ZNF25: variants seen among roughly 807,000 people sequenced by gnomAD.
ZNF25 encodes the protein zinc finger protein 25 (KOX 19).
A neutral mutation model predicts 30.9 loss-of-function variants in ZNF25; 21 were observed. That is an observed-to-expected ratio of 0.68 (90% CI 0.48 to 0.98). The LOEUF (loss-of-function observed/expected upper bound fraction) is 0.98. ZNF25 is among the 50% of genes least tolerant of loss of function. The pLI, the probability that ZNF25 is intolerant of heterozygous loss-of-function variation, is 0.00. For missense variants in ZNF25, 501 were observed against 529.9 expected, an observed-to-expected ratio of 0.95 and a Z score of 0.54; for synonymous variants, 169 against 181.3, an observed-to-expected ratio of 0.93 and a Z score of 0.55.
intron 4 of ZNF25, among the ~76,000 whole-genome samples, chr10:37,954,347 A>T (rs2062378793): frequency 6.6e-6 from 1 of 152,160 alleles, no homozygotes; most frequent in African/African-American, 2.4e-5. Flanking sequence ...TCAGAACATC[A>T]GTTTCCTCAT....
rs753389255 is a variant in ZNF25 at position 37,951,327 on chromosome 10, G to T, written c.*800C>A. The T allele has an allele frequency of 2.0e-5, 3 of 152,456 alleles. No homozygotes were observed. Among genetic ancestry groups the T allele is most frequent in the Non-Finnish European group, 4.4e-5 (3 of 68,038 alleles). 9.4% of individuals were successfully genotyped at this position (152,456 alleles called of 1,614,324 possible). The stretch of plus-strand genomic sequence containing the variant: ...CATTATGGATGGATTCCACATGCAC[G>T]CTGAACATCCGCAAGTTACATGTTA... On this transcript the variant is annotated 3_prime_UTR_variant, in exon 6 of 6. Coordinates refer to ENST00000302609, the MANE Select transcript of ZNF25 (RefSeq NM_145011.4).
chr10:37,962,180 G>T (rs139156377), intron 2 of ZNF25, among the ~76,000 whole-genome samples: 6,023 of 151,452 alleles, frequency 0.04, 376 homozygotes, highest in African/African-American at 0.14. Context: ...GGCAGAGGTT[G>T]CAGTGAGCCA....
chr10:37,949,989 C>T lies in ZNF25; in HGVS notation c.*2138G>A, dbSNP rs556940890. ...TCTTTGAAAAAAATACTTCTAAGCTCAGGCTCTTAACATATAAATATAATG... is the reference window on the plus strand; with the variant it reads ...TCTTTGAAAAAAATACTTCTAAGCTTAGGCTCTTAACATATAAATATAATG... On this transcript the variant is annotated 3_prime_UTR_variant, in exon 6 of 6. Coordinates refer to ENST00000302609, the MANE Select transcript of ZNF25 (RefSeq NM_145011.4). The T allele has an allele frequency of 6.6e-6, 1 of 152,638 alleles. No individual in the cohort carries two copies. The highest frequency in any genetic ancestry group is 2.4e-5 in the African/African-American group (1 of 41,456). The allele number at this position is 152,638 out of a possible 1,614,324, so 9.5% of individuals were successfully genotyped here.
At chr10:37,967,238 G>C (rs551803122) in intron 2 of ZNF25, among the ~76,000 whole-genome samples, 28 of 152,258 alleles carry the variant, frequency 1.8e-4, no homozygotes, top group Admixed American at 9.2e-4. Flanking sequence ...GTCCCCAGTA[G>C]CCAAAACAAC....
At chr10:37,960,638 A>AAAAC (rs1554887534) in intron 2 of ZNF25, among the ~76,000 whole-genome samples, 1 of 150,366 alleles carries the variant, frequency 6.7e-6, no homozygotes, top group South Asian at 2.1e-4. Context: ...AAAAAAAAAA[A>AAAAC]AAAAAACAAA....
intron 1 of ZNF25, among the ~76,000 whole-genome samples, chr10:37,975,068 T>C (rs1008217317): frequency 6.6e-6 from 1 of 152,110 alleles, no homozygotes; most frequent in Non-Finnish European, 1.5e-5. Flanking sequence ...GTTGATCTCA[T>C]GAAGATACGA....
At position 37,953,766 on chromosome 10, in the gene ZNF25, G is replaced by T. The variant is rs767008947; in HGVS notation, c.239-8C>A. On this transcript the variant is annotated splice_region_variant and splice_polypyrimidine_tract_variant and intron_variant, in intron 4 of 5. Transcript: ENST00000302609. ...GAATGCTCCATAGGTCTTCTACAAGGGAACCAAAAATGTAATACTTTATAA... is the reference window on the plus strand; with the variant it reads ...GAATGCTCCATAGGTCTTCTACAAGTGAACCAAAAATGTAATACTTTATAA... 1.4e-5 allele frequency: 23 copies of T among 1,611,930 alleles called. No homozygotes were observed. The highest frequency in any genetic ancestry group is 1.9e-5 in the Non-Finnish European group (22 of 1,178,458).
intron 1 of ZNF25, among the ~76,000 whole-genome samples, chr10:37,975,479 CATT>C (rs1259153942): frequency 6.6e-6 from 1 of 151,842 alleles, no homozygotes; most frequent in Non-Finnish European, 1.5e-5. Flanking sequence ...CAATGAGAGG[CATT>C]ATAAGATCAC....
chr10:37,972,715 A>G (rs1356737663), intron 1 of ZNF25, among the ~76,000 whole-genome samples: 2 of 152,222 alleles, frequency 1.3e-5, no homozygotes, highest in South Asian at 4.1e-4. Flanking sequence ...AGCAGCAGAA[A>G]CCATGCAGGG....
At chr10:37,973,373 T>TG (rs1418780841) in intron 1 of ZNF25, among the ~76,000 whole-genome samples, 1 of 151,890 alleles carries the variant, frequency 6.6e-6, no homozygotes, top group East Asian at 1.9e-4. Context: ...CCCAACACTT[T>TG]GGGAGGTGTA....
At chr10:37,953,618 G>T (rs2062321351) in intron 5 of ZNF25, 77 bp downstream of exon 5, 3 of 1,323,992 alleles carry the variant, frequency 2.3e-6, no homozygotes, top group African/African-American at 2.9e-5. Context: ...ATTAACTAGT[G>T]CCCTCCCATT....
intron 1 of ZNF25, among the ~76,000 whole-genome samples, chr10:37,974,214 C>T (rs1024503867): frequency 8.6e-5 from 13 of 152,026 alleles, no homozygotes; most frequent in Non-Finnish European, 1.8e-4. Flanking sequence ...ACATTGTTCT[C>T]GGCAAAAATT....
chr10:37,964,323 A>C (rs568786280), intron 2 of ZNF25, among the ~76,000 whole-genome samples: 1 of 152,300 alleles, frequency 6.6e-6, no homozygotes, highest in South Asian at 2.1e-4. Flanking sequence ...TAACAAGCAG[A>C]GGTTGGAAGA....
At position 37,970,523 on chromosome 10, in the gene ZNF25, T is replaced by C. The variant is rs188625337; in HGVS notation, c.15+1185A>G. 2.8e-4 allele frequency among the ~76,000 whole-genome samples: 42 copies of C among 152,338 alleles called. No individual in the cohort carries two copies. The East Asian group carries it at 7.1e-3, about 26-fold the overall frequency. On this transcript the variant is annotated intron_variant, in intron 2 of 5. Transcript: ENST00000302609. ...AAATCCATAGTTTATACCATCCTTA[T>C]TATTGAATGGCTAAATTCTTTCCCC...
chr10:37,960,618 C>G (rs1169929191), intron 2 of ZNF25, among the ~76,000 whole-genome samples: 1 of 43,362 alleles, frequency 2.3e-5, no homozygotes, highest in East Asian at 8.2e-4. Flanking sequence ...AGCAAGACTC[C>G]ATCTCAAAAA....
At chr10:37,970,468 T>G (rs994084042) in intron 2 of ZNF25, among the ~76,000 whole-genome samples, 2 of 152,216 alleles carry the variant, frequency 1.3e-5, no homozygotes, top group African/African-American at 4.8e-5. Context: ...AGAAGGGAAC[T>G]TCCTTCATCT....
intron 2 of ZNF25, among the ~76,000 whole-genome samples, chr10:37,967,061 G>T (rs2738186): frequency 0.88 from 133,477 of 152,206 alleles, 58,661 homozygotes; most frequent in South Asian, 0.94. Context: ...GAGACCTAAA[G>T]AAATGAGATG....
At position 37,957,468 on chromosome 10, in the gene ZNF25, G is replaced by T. The variant is rs1735590; in HGVS notation, c.94C>A (p.Leu32Met). 6.2e-7 allele frequency: 1 copy of T among 1,613,874 alleles called. No homozygotes were observed. The highest frequency in any genetic ancestry group is 1.7e-5 in the Admixed American group (1 of 60,010). ...WKLLTPAQRTLYKDVMLENYS... is the reference protein window; with the variant it reads ...WKLLTPAQRTMYKDVMLENYS... ...TTTTCCAGCATCACATCCTTATACA[G>T]AGTCCTCTGAGCAGGGGTCAGTAAC... The change falls in exon 3 of 6, where the codon CTG becomes ATG. Residue 32 changes from leucine to methionine, a missense_variant. Physicochemically the swap from Leu to Met is conservative, Grantham distance 15 (BLOSUM62 2). Coordinates refer to ENST00000302609, the MANE Select transcript of ZNF25 (RefSeq NM_145011.4).
intron 2 of ZNF25, among the ~76,000 whole-genome samples, chr10:37,958,660 C>T (rs1026102162): frequency 3.3e-5 from 5 of 152,078 alleles, no homozygotes; most frequent in African/African-American, 1.2e-4. Context: ...TGGCTCAGGC[C>T]TGTAACACCA....
Sources: gnomAD v4.1 joint callset for allele counts (sites outside exome capture counted in the v4.1 genomes callset) on GRCh38, gnomAD v4.1.1 for gene constraint, MANE v1.5 for transcripts, NCBI Gene and HGNC (gene_info 2026-07-23, HGNC 2026-07-21) for gene names.